Variants in ROBO2 observed in about 807,000 individuals in gnomAD.
ROBO2 encodes the protein roundabout homolog 2.
In ROBO2, 53 loss-of-function variants were observed where a neutral mutation model predicts 160.8. That is an observed-to-expected ratio of 0.33 (90% CI 0.26 to 0.41). The LOEUF is 0.41. Among genes scored for constraint, ROBO2 ranks in the 10% least tolerant of loss-of-function variants. The pLI, the probability that ROBO2 is intolerant of heterozygous loss-of-function variation, is 1.00. For missense variants in ROBO2, 1,577 were observed against 1,722.4 expected (o/e 0.92, Z 1.49); for synonymous variants, 664 against 611.7 (o/e 1.09, Z -1.26).
intron 2 of ROBO2, among the ~76,000 whole-genome samples, chr3:76,016,247 C>T (rs561402135): frequency 5.9e-5 from 9 of 151,932 alleles, no homozygotes; most frequent in South Asian, 2.1e-4. Context: ...CGCATCTGCT[C>T]GGGACAGGCT....
At chr3:76,742,342 A>C (rs1267507763) in intron 2 of ROBO2, among the ~76,000 whole-genome samples, 6 of 152,160 alleles carry the variant, frequency 3.9e-5, no homozygotes, top group African/African-American at 1.4e-4. Context: ...TTAGGCAAAT[A>C]AATGTTTCAT....
chr3:76,693,242 A>G (rs2092847861), intron 2 of ROBO2, among the ~76,000 whole-genome samples: 1 of 137,056 alleles, frequency 7.3e-6, no homozygotes. Flanking sequence ...GCGTATATAC[A>G]TATATGTGTA....
At chr3:76,368,853 G>T (rs1283889751) in intron 2 of ROBO2, among the ~76,000 whole-genome samples, 2 of 151,912 alleles carry the variant, frequency 1.3e-5, no homozygotes, top group Non-Finnish European at 2.9e-5. Context: ...ATGTAGAGGA[G>T]TATATTTTGC....
At chr3:76,397,445 A>G (rs1192656150) in intron 2 of ROBO2, among the ~76,000 whole-genome samples, 1 of 152,120 alleles carries the variant, frequency 6.6e-6, no homozygotes, top group East Asian at 1.9e-4. Flanking sequence ...CACCAAAAGC[A>G]ATGGCAACAA....
At chr3:76,605,360 T>C (rs929581311) in intron 2 of ROBO2, among the ~76,000 whole-genome samples, 2 of 151,076 alleles carry the variant, frequency 1.3e-5, no homozygotes, top group Admixed American at 6.6e-5. Context: ...GGTTTACATG[T>C]TTTTATAGCT....
intron 2 of ROBO2, among the ~76,000 whole-genome samples, chr3:75,995,146 G>A (rs1327693279): frequency 1.3e-5 from 2 of 152,208 alleles, no homozygotes; most frequent in East Asian, 3.9e-4. Context: ...ATTTGCATAA[G>A]TAATGAGGAG....
intron 2 of ROBO2, among the ~76,000 whole-genome samples, chr3:77,457,643 T>C (rs1560889588): frequency 6.6e-6 from 1 of 152,122 alleles, no homozygotes; most frequent in Non-Finnish European, 1.5e-5. Context: ...TTTTATTTTA[T>C]GTGCTTTCAC....
At chr3:76,181,799 A>G (rs1265409817) in intron 2 of ROBO2, among the ~76,000 whole-genome samples, 1 of 147,410 alleles carries the variant, frequency 6.8e-6, no homozygotes, top group Non-Finnish European at 1.5e-5. Context: ...TCCTAAAAAA[A>G]AAGGATATAG....
intron 2 of ROBO2, among the ~76,000 whole-genome samples, chr3:76,262,952 T>C (rs1706859662): frequency 6.6e-6 from 1 of 152,116 alleles, no homozygotes; most frequent in African/African-American, 2.4e-5. Context: ...GGCTGTTAAA[T>C]ATTGGCAACT....
intron 4 of ROBO2, among the ~76,000 whole-genome samples, chr3:77,491,416 G>A (rs2086094100): frequency 6.6e-6 from 1 of 152,122 alleles, no homozygotes; most frequent in Non-Finnish European, 1.5e-5. Context: ...GCGCCTGATA[G>A]CACAGAAGAA....
intron 2 of ROBO2, among the ~76,000 whole-genome samples, chr3:77,125,986 A>G (rs1006762463): frequency 6.6e-6 from 1 of 152,192 alleles, no homozygotes; most frequent in Non-Finnish European, 1.5e-5. Flanking sequence ...GGTTATTATC[A>G]TTTATTCAGC....
intron 23 of ROBO2, among the ~76,000 whole-genome samples, chr3:77,623,807 T>C (rs2094949892): frequency 6.6e-6 from 1 of 152,216 alleles, no homozygotes; most frequent in African/African-American, 2.4e-5. Flanking sequence ...TACTGAACTC[T>C]TTTCCATTAG....
chr3:77,302,010 C>T (rs1361958437), intron 2 of ROBO2, among the ~76,000 whole-genome samples: 1 of 152,044 alleles, frequency 6.6e-6, no homozygotes, highest in South Asian at 2.1e-4. Context: ...TCAAGCAATC[C>T]TCCTGCCTCA....
intron 2 of ROBO2, among the ~76,000 whole-genome samples, chr3:77,003,656 G>A (rs1410449120): frequency 2.6e-5 from 4 of 152,072 alleles, no homozygotes; most frequent in African/African-American, 9.7e-5. Context: ...CGCCTCCTGG[G>A]TTCAAGCGAT....
At chr3:75,971,833 C>G (rs930951600) in intron 2 of ROBO2, among the ~76,000 whole-genome samples, 1 of 151,324 alleles carries the variant, frequency 6.6e-6, no homozygotes, top group Non-Finnish European at 1.5e-5. Flanking sequence ...GCTACAAATT[C>G]AAAAATAAGT....
chr3:77,434,858 T>C (rs1034860816), intron 2 of ROBO2, among the ~76,000 whole-genome samples: 1 of 152,146 alleles, frequency 6.6e-6, no homozygotes, highest in South Asian at 2.1e-4. Flanking sequence ...GATCACTTAT[T>C]GTATTTTTAT....
chr3:75,943,592 A>G (rs1336384661), intron 2 of ROBO2, among the ~76,000 whole-genome samples: 1 of 152,202 alleles, frequency 6.6e-6, no homozygotes, highest in Non-Finnish European at 1.5e-5. Context: ...CTCTCTGCCT[A>G]TATGTAAAGA....
chr3:76,046,162 G>A (rs2067439844), intron 2 of ROBO2, among the ~76,000 whole-genome samples: 1 of 151,862 alleles, frequency 6.6e-6, no homozygotes, highest in East Asian at 1.9e-4. Context: ...AGCTTTGTTC[G>A]TAAATGAAAA....
intron 2 of ROBO2, among the ~76,000 whole-genome samples, chr3:76,604,735 A>G (rs1357756657): frequency 6.6e-6 from 1 of 152,124 alleles, no homozygotes; most frequent in African/African-American, 2.4e-5. Context: ...GTAGTATGGA[A>G]ATGTTGATTT....
Sources: allele counts gnomAD v4.1 joint callset (sites outside exome capture counted in the v4.1 genomes callset), GRCh38; gene constraint gnomAD v4.1.1; transcripts MANE v1.5; gene names NCBI Gene and HGNC (gene_info 2026-07-23, HGNC 2026-07-21).